XKR9: variants seen among roughly 807,000 people sequenced by gnomAD.
XKR9 encodes the protein XK related 9, also known as XK-related protein 9.
XKR9 carries 32 observed loss-of-function variants against 32.0 expected under a neutral mutation model. The ratio of observed to expected loss-of-function variants is 1.00; its 90% CI spans 0.76 to 1.34. The LOEUF is 1.34. Among genes scored for constraint, XKR9 ranks in the 40% most tolerant of loss-of-function variants. The pLI, the probability that XKR9 is intolerant of heterozygous loss-of-function variation, is 0.00. For missense variants in XKR9, 546 were observed against 429.7 expected, an observed-to-expected ratio of 1.27 and a Z score of -2.39; for synonymous variants, 168 against 143.4, an observed-to-expected ratio of 1.17 and a Z score of -1.22.
the XKR9 span, among the ~76,000 whole-genome samples, chr8:70,912,704 A>C: frequency 1.3e-5 from 2 of 152,160 alleles, no homozygotes; most frequent in Non-Finnish European, 2.9e-5. Context: ...ACGATAGTTG[A>C]AACCGCAGAC....
the XKR9 span, among the ~76,000 whole-genome samples, chr8:70,968,308 G>A: frequency 6.6e-6 from 1 of 152,126 alleles, no homozygotes; most frequent in Non-Finnish European, 1.5e-5. Flanking sequence ...GCTCCTCTCT[G>A]AACTGGATAT....
chr8:70,727,606 G>A (rs1249060306), intron 4 of XKR9, among the ~76,000 whole-genome samples: 1 of 151,942 alleles, frequency 6.6e-6, no homozygotes, highest in African/African-American at 2.4e-5. Flanking sequence ...CACCATATTG[G>A]CCAGGCTGGT....
At chr8:70,752,747 T>A (rs917262548) in intron 2 of XKR9, among the ~76,000 whole-genome samples, 1 of 152,104 alleles carries the variant, frequency 6.6e-6, no homozygotes, top group Non-Finnish European at 1.5e-5. Flanking sequence ...TACCAGAATC[T>A]CTGGGACACA....
the XKR9 span, among the ~76,000 whole-genome samples, chr8:70,803,750 G>C: frequency 6.6e-6 from 1 of 152,138 alleles, no homozygotes; most frequent in African/African-American, 2.4e-5. Context: ...TTCTTTTGTT[G>C]GGTGTTCTGG....
intron 3 of XKR9, among the ~76,000 whole-genome samples, chr8:70,690,591 A>C (rs932382590): frequency 6.6e-6 from 1 of 151,084 alleles, no homozygotes; most frequent in Admixed American, 6.6e-5. Flanking sequence ...TCAGGCAATC[A>C]GCCCACCTCG....
intron 2 of XKR9, among the ~76,000 whole-genome samples, chr8:70,781,485 C>T (rs1156254186): frequency 6.6e-6 from 1 of 150,406 alleles, no homozygotes; most frequent in Non-Finnish European, 1.5e-5. Flanking sequence ...ATGGTCAAAT[C>T]ACGGTAATCA....
chr8:70,965,954 T>C, the XKR9 span, among the ~76,000 whole-genome samples: 2 of 152,174 alleles, frequency 1.3e-5, no homozygotes, highest in African/African-American at 4.8e-5. Flanking sequence ...TTGTTTTTGC[T>C]AGCTTTGGGG....
the XKR9 span, among the ~76,000 whole-genome samples, chr8:70,796,375 A>T: frequency 6.6e-6 from 1 of 151,894 alleles, no homozygotes; most frequent in Admixed American, 6.6e-5. Context: ...ACAATTGTTC[A>T]TTGTTTTTCC....
chr8:70,862,765 G>T, the XKR9 span, among the ~76,000 whole-genome samples: 1 of 151,908 alleles, frequency 6.6e-6, no homozygotes, highest in South Asian at 2.1e-4. Context: ...ACTTACATCT[G>T]GTGGGGAGAC....
chr8:70,980,404 C>T, the XKR9 span, among the ~76,000 whole-genome samples: 2 of 152,170 alleles, frequency 1.3e-5, no homozygotes, highest in Non-Finnish European at 2.9e-5. Context: ...AACCACCTCT[C>T]CCTACTGTTG....
rs1819142257 is a variant in XKR9 at position 70,683,174 on chromosome 8, G to A, written c.272+1844G>A. On this transcript the variant is annotated intron_variant, in intron 3 of 4. Transcript: ENST00000408926. ...GAGCATTGGTCTATTCCAATATGCTGGATCCTACCTAGAAGTATAGTGTGT... is the reference window on the plus strand; with the variant it reads ...GAGCATTGGTCTATTCCAATATGCTAGATCCTACCTAGAAGTATAGTGTGT... 1.3e-5 allele frequency among the ~76,000 whole-genome samples: 2 copies of A among 152,120 alleles called. 1 individual carries two copies. Among genetic ancestry groups the A allele is most frequent in the South Asian group, 4.1e-4 (2 of 4,828 alleles).
chr8:70,822,044 T>A, the XKR9 span, among the ~76,000 whole-genome samples: 1 of 152,206 alleles, frequency 6.6e-6, no homozygotes, highest in Admixed American at 6.5e-5. Context: ...ATGTGCTGCT[T>A]CTCTTTTAAA....
chr8:71,000,560 AC>A, the XKR9 span, among the ~76,000 whole-genome samples: 5 of 152,132 alleles, frequency 3.3e-5, no homozygotes, highest in Non-Finnish European at 7.4e-5. Context: ...TATAAAATGC[AC>A]CCCCCTTAAG....
chr8:70,766,322 T>G (rs1275574776), intron 2 of XKR9, among the ~76,000 whole-genome samples: 3 of 152,200 alleles, frequency 2.0e-5, no homozygotes, highest in Admixed American at 6.5e-5. Flanking sequence ...GTCCTTTACA[T>G]CCTTTGTAAG....
the XKR9 span, among the ~76,000 whole-genome samples, chr8:70,813,826 T>C: frequency 1.1e-4 from 17 of 152,154 alleles, no homozygotes; most frequent in Non-Finnish European, 2.1e-4. Flanking sequence ...GAAATAGGAA[T>C]ACTTTTACAC....
the XKR9 span, among the ~76,000 whole-genome samples, chr8:70,957,616 A>G: frequency 1.9e-4 from 29 of 152,080 alleles, no homozygotes; most frequent in South Asian, 3.1e-3. Flanking sequence ...GCTCTTACTT[A>G]TAAGTGAGGA....
At chr8:70,865,980 A>C in the XKR9 span, among the ~76,000 whole-genome samples, 192 of 152,320 alleles carry the variant, frequency 1.3e-3, 1 homozygote, top group African/African-American at 4.3e-3. Flanking sequence ...AAAATTTAAG[A>C]TCCTGCTGCT....
At chr8:70,764,094 G>C (rs1807342965) in intron 2 of XKR9, among the ~76,000 whole-genome samples, 1 of 152,134 alleles carries the variant, frequency 6.6e-6, no homozygotes, top group African/African-American at 2.4e-5. Flanking sequence ...CCCATTATGA[G>C]ATAACCTATG....
At chr8:70,894,378 G>A in the XKR9 span, among the ~76,000 whole-genome samples, 1 of 152,082 alleles carries the variant, frequency 6.6e-6, no homozygotes, top group Non-Finnish European at 1.5e-5. Flanking sequence ...AAGGGAGCTA[G>A]TTCAGTTCCA....
Sources: allele counts gnomAD v4.1 joint callset (sites outside exome capture counted in the v4.1 genomes callset), GRCh38; gene constraint gnomAD v4.1.1; transcripts MANE v1.5; gene names NCBI Gene and HGNC (gene_info 2026-07-23, HGNC 2026-07-21).